MAGI2: variants seen among roughly 807,000 people sequenced by gnomAD.
The protein encoded by MAGI2 is membrane associated guanylate kinase, WW and PDZ domain containing 2.
MAGI2 carries 35 observed loss-of-function variants against 133.3 expected under a neutral mutation model. The observed-to-expected ratio is 0.26, with a 90% CI of 0.20 to 0.35. The LOEUF (loss-of-function observed/expected upper bound fraction) is 0.35, where lower values mean the gene tolerates loss of function less well. MAGI2 is among the 10% of genes least tolerant of loss of function. The pLI, the probability that MAGI2 is intolerant of heterozygous loss-of-function variation, is 1.00. For synonymous variants in MAGI2, 729 were observed against 710.6 expected (o/e 1.03, Z -0.41); for missense variants, 1,636 against 1,863.4 (o/e 0.88, Z 2.25).
In MAGI2 at chr7:78,379,341, C is replaced by T. The variant is rs148071968; in HGVS notation, c.1046-10128G>A. Among the ~76,000 whole-genome samples, 90 of 151,928 alleles carry T rather than the reference C, an allele frequency of 5.9e-4. 1 individual carries two copies. The highest frequency in any genetic ancestry group is 2.0e-3 in the African/African-American group (85 of 41,478). On this transcript the variant is annotated intron_variant, in intron 6 of 21. Coordinates refer to ENST00000354212, the MANE Select transcript of MAGI2 (RefSeq NM_012301.4). ...TGACACACATTTAAAGAAAGTGACT[C>T]AGAGAGCTAAAAATAAAGTTTGGGC...
intron 10 of MAGI2, among the ~76,000 whole-genome samples, chr7:78,202,033 T>G (rs1219464598): frequency 6.6e-6 from 1 of 152,220 alleles, no homozygotes; most frequent in Non-Finnish European, 1.5e-5. Context: ...CACTGCCACA[T>G]GCTGATCCTA....
chr7:78,042,216 T>C (rs1030228748), intron 21 of MAGI2, among the ~76,000 whole-genome samples: 2 of 152,206 alleles, frequency 1.3e-5, no homozygotes, highest in Admixed American at 6.5e-5. Flanking sequence ...TCATGGGGTC[T>C]TTGTTCAGGT....
intron 2 of MAGI2, among the ~76,000 whole-genome samples, chr7:78,897,855 G>A (rs1026157983): frequency 6.6e-6 from 1 of 152,094 alleles, no homozygotes; most frequent in Non-Finnish European, 1.5e-5. Context: ...ATTGACAAAC[G>A]AGATCTAATT....
At chr7:78,856,997 C>T (rs1051404513) in intron 2 of MAGI2, among the ~76,000 whole-genome samples, 4 of 152,118 alleles carry the variant, frequency 2.6e-5, no homozygotes, top group Admixed American at 6.6e-5. Flanking sequence ...CCTAGGTATT[C>T]TATTCTCCTT....
intron 7 of MAGI2, among the ~76,000 whole-genome samples, chr7:78,367,100 A>AACACAC (rs6150177): frequency 0.015 from 2,199 of 146,802 alleles, 59 homozygotes; most frequent in African/African-American, 0.05. Context: ...AATGTAGGCA[A>AACACAC]ACACACACAC....
intron 2 of MAGI2, among the ~76,000 whole-genome samples, chr7:78,654,247 T>G (rs1393235082): frequency 6.6e-6 from 1 of 152,182 alleles, no homozygotes; most frequent in Non-Finnish European, 1.5e-5. Context: ...TTCAGTTACT[T>G]TAGCTGTAAA....
intron 2 of MAGI2, among the ~76,000 whole-genome samples, chr7:78,642,566 G>A (rs1448851165): frequency 6.6e-6 from 1 of 152,056 alleles, no homozygotes. Context: ...TATATGAAAT[G>A]TTTCAGAATG....
chr7:79,327,714 C>A (rs1037588916), intron 1 of MAGI2, among the ~76,000 whole-genome samples: 3 of 151,914 alleles, frequency 2.0e-5, no homozygotes, highest in South Asian at 2.1e-4. Flanking sequence ...CTCACACACA[C>A]CTTTTTGTCA....
chr7:78,264,704 C>T lies in MAGI2; in HGVS notation c.1409-8123G>A, dbSNP rs115022280. ...GTTTCAATAGCTGTGTGATCTTGGGCGAAGTATTTAACTTTTCTTGGTCTA... is the reference window on the plus strand; with the variant it reads ...GTTTCAATAGCTGTGTGATCTTGGGTGAAGTATTTAACTTTTCTTGGTCTA... On this transcript the variant is annotated intron_variant, in intron 9 of 21. Transcript: ENST00000354212. Among the ~76,000 whole-genome samples the T allele has an allele frequency of 5.3e-3, 809 of 152,140 alleles. 5 individuals carry two copies. The highest frequency in any genetic ancestry group is 0.018 in the African/African-American group (748 of 41,492).
intron 2 of MAGI2, among the ~76,000 whole-genome samples, chr7:78,852,865 T>C (rs1012023354): frequency 9.2e-5 from 14 of 152,102 alleles, no homozygotes; most frequent in African/African-American, 3.1e-4. Context: ...TTATAGTCAG[T>C]CTCAAGAAAA....
chr7:79,097,258 A>G (rs1053560256), intron 1 of MAGI2, among the ~76,000 whole-genome samples: 2 of 152,208 alleles, frequency 1.3e-5, no homozygotes, highest in African/African-American at 2.4e-5. Flanking sequence ...CCAAAGTCAC[A>G]ATTCAGTACA....
At chr7:78,979,425 T>G (rs769736843) in intron 2 of MAGI2, among the ~76,000 whole-genome samples, 1 of 151,856 alleles carries the variant, frequency 6.6e-6, no homozygotes, top group Non-Finnish European at 1.5e-5. Context: ...CTGGTCACCT[T>G]CTCCTCTGTG....
chr7:79,289,784 AT>A (rs1175075119), intron 1 of MAGI2, among the ~76,000 whole-genome samples: 1 of 152,120 alleles, frequency 6.6e-6, no homozygotes, highest in African/African-American at 2.4e-5. Context: ...CTGCAGTGTC[AT>A]TTTAGGAACC....
chr7:78,966,835 CTT>C lies in MAGI2; in HGVS notation c.418+40253_418+40254del, dbSNP rs34597215. 4.0e-3 allele frequency among the ~76,000 whole-genome samples: 521 copies of C among 129,030 alleles called. 4 individuals carry two copies. Among genetic ancestry groups the C allele is most frequent in the South Asian group, 0.013 (53 of 3,982 alleles). The allele number at this position is 129,030 out of a possible 152,430, so 84.6% of individuals were successfully genotyped here. A position where few individuals can be genotyped will look rare whatever the true frequency, so the allele number is the denominator to read the frequency against. On this transcript the variant is annotated intron_variant, in intron 2 of 21. Coordinates refer to ENST00000354212, the MANE Select transcript of MAGI2 (RefSeq NM_012301.4). ...TTTCTCCAGATCTTTGCCTACACGT[CTT>C]TTTTTTTTTTTTTTTTTAGATAATA...
intron 20 of MAGI2, among the ~76,000 whole-genome samples, chr7:78,099,246 A>AT (rs761714619): frequency 3.9e-5 from 6 of 152,142 alleles, no homozygotes; most frequent in Non-Finnish European, 7.4e-5. Context: ...AATGAAAAGC[A>AT]TTTTTCTCAA....
intron 1 of MAGI2, among the ~76,000 whole-genome samples, chr7:79,266,963 G>A (rs1834508918): frequency 6.6e-6 from 1 of 152,116 alleles, no homozygotes; most frequent in South Asian, 2.1e-4. Flanking sequence ...AGATAAGGGG[G>A]AATGATACAG....
intron 2 of MAGI2, among the ~76,000 whole-genome samples, chr7:78,776,773 A>G (rs1385699524): frequency 3.9e-5 from 6 of 152,218 alleles, no homozygotes; most frequent in Non-Finnish European, 7.3e-5. Flanking sequence ...GGGAATTATG[A>G]TGGTCGCATT....
chr7:78,508,006 G>C (rs62467124), intron 4 of MAGI2, among the ~76,000 whole-genome samples: 12,534 of 152,240 alleles, frequency 0.082, 629 homozygotes, highest in Non-Finnish European at 0.12. Flanking sequence ...AGGCACTATG[G>C]AAGGATCTAT....
At chr7:79,106,805 C>T (rs1380677135) in intron 1 of MAGI2, among the ~76,000 whole-genome samples, 1 of 152,194 alleles carries the variant, frequency 6.6e-6, no homozygotes, top group Non-Finnish European at 1.5e-5. Flanking sequence ...CATGTCTACA[C>T]TTTTTGGTTT....
Sources: gnomAD v4.1 joint callset for allele counts (sites outside exome capture counted in the v4.1 genomes callset) on GRCh38, gnomAD v4.1.1 for gene constraint, MANE v1.5 for transcripts, NCBI Gene and HGNC (gene_info 2026-07-23, HGNC 2026-07-21) for gene names.